FGF17: variants seen among roughly 807,000 people sequenced by gnomAD.
FGF17 encodes fibroblast growth factor 17.
FGF17 carries 5 observed loss-of-function variants against 23.5 expected under a neutral mutation model. That is an observed-to-expected ratio of 0.21 (90% CI 0.11 to 0.45). FGF17 has a LOEUF of 0.45. Ranked by LOEUF, FGF17 falls within the 20% of genes least tolerant of loss-of-function variation. The pLI is 0.99. For synonymous variants in FGF17, 136 were observed against 123.0 expected, an observed-to-expected ratio of 1.11 and a Z score of -0.70; for missense variants, 221 against 306.9, an observed-to-expected ratio of 0.72 and a Z score of 2.09.
intron 3 of FGF17, 24 bp downstream of exon 3, chr8:22,046,315 G>A (rs373308419): frequency 8.8e-5 from 142 of 1,606,870 alleles, no homozygotes; most frequent in Non-Finnish European, 1.1e-4. Flanking sequence ...CTCCCCCCAG[G>A]GCACCCACAC....
chr8:22,048,129 C>T lies in FGF17; in HGVS notation c.531C>T (p.Arg177=). The T allele has an allele frequency of 6.2e-7, 1 of 1,613,490 alleles. No homozygotes were observed. The highest frequency in any genetic ancestry group is 8.5e-7 in the Non-Finnish European group (1 of 1,179,876). The change falls in exon 5 of 5, where the codon CGC becomes CGT. Residue 177 remains arginine (R), a synonymous_variant. Transcript: ENST00000359441. This position sits in a 1 kb window ranked among gnomAD's most constrained non-coding sequence, Gnocchi z 6.9. ...AGCGCGAGGCCCACTTCATCAAGCGCCTCTACCAAGGCCAGCTGCCCTTCC... is the reference window on the plus strand; with the variant it reads ...AGCGCGAGGCCCACTTCATCAAGCGTCTCTACCAAGGCCAGCTGCCCTTCC... ...QNQREAHFIK[R]LYQGQLPFPN...
chr8:22,045,839 C>T, intron 2 of FGF17: 3 of 1,362,260 alleles, frequency 2.2e-6, no homozygotes, highest in South Asian at 1.5e-5. Flanking sequence ...CTCCTTCCAG[C>T]TCCCAGAGTC....
chr8:22,043,075 C>T (rs985462966), intron 1 of FGF17, 70 bp from the exon 2 acceptor site: 17 of 1,596,790 alleles, frequency 1.1e-5, no homozygotes, highest in Admixed American at 1.0e-4. Flanking sequence ...AGGGCGGGGG[C>T]GGGGGCCTGG....
intron 2 of FGF17, 137 bp from the exon 3 acceptor site, chr8:22,045,977 C>A (rs1214622073): frequency 6.4e-7 from 1 of 1,565,762 alleles, no homozygotes; most frequent in African/African-American, 1.4e-5. Context: ...AAGGCTATGG[C>A]CATATGCCCA....
chr8:22,048,233 C>T lies in FGF17; in HGVS notation c.635C>T (p.Pro212Leu), dbSNP rs750155586. The change falls in exon 5 of 5, where the codon CCC (proline) becomes CTC (leucine). Residue 212 changes from proline (P) to leucine (L), a missense_variant. By Grantham distance (98) the Pro-to-Leu change is moderately conservative. Transcript: ENST00000359441. This position sits in a 1 kb window ranked among gnomAD's most constrained non-coding sequence, Gnocchi z 6.9. The stretch of plus-strand genomic sequence containing the variant: ...CGCCGGACCAAGCGCACACGGCGGC[C>T]CCAGCCCCTCACGTAGTCTGGGAGG... The part of the protein sequence containing the change: ...PTRRTKRTRR[P>L]QPLT 2.5e-6 allele frequency: 4 copies of T among 1,606,884 alleles called. No individual in the cohort carries two copies. The highest frequency in any genetic ancestry group is 8.5e-7 in the Non-Finnish European group (1 of 1,177,116).
At position 22,048,536 on chromosome 8, in the gene FGF17, C is replaced by T. The variant is rs1801019555; in HGVS notation, c.*287C>T. ...GGCCTCCCAGCCGGGCTCCTGAAGC[C>T]CGCTGAAAGGTCAGCGACTGAAGGC... On this transcript the variant is annotated 3_prime_UTR_variant, in exon 5 of 5. Coordinates refer to ENST00000359441, the MANE Select transcript of FGF17 (RefSeq NM_003867.4). This position sits in a 1 kb window ranked among gnomAD's most constrained non-coding sequence, Gnocchi z 6.9. 9 of 474,284 alleles carry T rather than the reference C, an allele frequency of 1.9e-5. No individual in the cohort carries two copies. In the South Asian group the frequency reaches 2.9e-4, roughly 15 times the overall value. The allele number at this position is 474,284 out of a possible 1,614,324, so 29.4% of individuals were successfully genotyped here. A position where few individuals can be genotyped will look rare whatever the true frequency, so the allele number is the denominator to read the frequency against.
upstream of FGF17, among the ~76,000 whole-genome samples, chr8:22,039,706 C>T (rs1800710744): frequency 6.6e-6 from 1 of 152,114 alleles, no homozygotes; most frequent in South Asian, 2.1e-4. Context: ...CCAGCCTGAA[C>T]AACAAGAATG....
upstream of FGF17, among the ~76,000 whole-genome samples, chr8:22,041,361 A>G (rs1800734605): frequency 6.6e-6 from 1 of 152,108 alleles, no homozygotes; most frequent in Non-Finnish European, 1.5e-5. Flanking sequence ...CCCACAGGTG[A>G]GAGTTTCGCT....
At chr8:22,046,761 C>T (rs1280923141) in intron 4 of FGF17, 128 bp downstream of exon 4, 4 of 665,540 alleles carry the variant, frequency 6.0e-6, no homozygotes, top group Non-Finnish European at 1.0e-5. Context: ...ATCCTACTCT[C>T]AGCCCACCCA....
chr8:22,041,437 G>A (rs1800735916), upstream of FGF17, among the ~76,000 whole-genome samples: 7 of 152,228 alleles, frequency 4.6e-5, no homozygotes, highest in South Asian at 1.5e-3. Flanking sequence ...CCCACCCTGG[G>A]GGCGCTGAGA....
chr8:22,045,370 G>C (rs907311356), intron 2 of FGF17: 3 of 988,092 alleles, frequency 3.0e-6, no homozygotes, highest in Non-Finnish European at 3.6e-6. Context: ...CCTCCGCTAA[G>C]GAGGCACCTT....
At chr8:22,041,512 C>A (rs1377522664), upstream of FGF17, among the ~76,000 whole-genome samples, 1 of 152,168 alleles carries the variant, frequency 6.6e-6, no homozygotes, top group African/African-American at 2.4e-5. Context: ...CCCTCAGAGA[C>A]CCCCAAGCCC....
upstream of FGF17, among the ~76,000 whole-genome samples, chr8:22,040,042 C>G (rs567019388): frequency 6.6e-5 from 10 of 152,238 alleles, no homozygotes; most frequent in African/African-American, 1.7e-4. Flanking sequence ...CCCCACCCCC[C>G]CAGCAATGAA....
intron 4 of FGF17, among the ~76,000 whole-genome samples, chr8:22,046,967 T>TTTTTTTTG (rs1800890181): frequency 6.7e-6 from 1 of 150,208 alleles, no homozygotes; most frequent in Non-Finnish European, 1.5e-5. Context: ...TTTTTTTTTT[T>TTTTTTTTG]GTAGAGATAG....
upstream of FGF17, among the ~76,000 whole-genome samples, chr8:22,042,151 TCTC>T (rs1405237604): frequency 6.6e-6 from 1 of 152,234 alleles, no homozygotes; most frequent in African/African-American, 2.4e-5. Context: ...ACCCAGCTCT[TCTC>T]CAAGTGTCTG....
chr8:22,047,914 G>A (rs1488647491), intron 4 of FGF17, 42 bp from the exon 5 acceptor site: 2 of 1,574,990 alleles, frequency 1.3e-6, no homozygotes, highest in East Asian at 2.3e-5. Flanking sequence ...CCAGACCAGG[G>A]TAGGTGGACA....
In FGF17 at chr8:22,048,178, C is replaced by G; in HGVS notation, c.580C>G (p.Gln194Glu). Residue 194 changes from glutamine (Q) to glutamate (E), a missense_variant, in exon 5 of 5, where the codon CAG becomes GAG. Coordinates refer to ENST00000359441, the MANE Select transcript of FGF17 (RefSeq NM_003867.4). The surrounding 1 kb of genome is among the most constrained non-coding windows in gnomAD (Gnocchi z 6.9). ...PFPNHAEKQK[Q>E]FEFVGSAPTR... ...CCCCAACCACGCCGAGAAGCAGAAG[C>G]AGTTCGAGTTTGTGGGCTCCGCCCC... 6.2e-7 allele frequency: 1 copy of G among 1,613,012 alleles called. No individual in the cohort carries two copies. The highest frequency in any genetic ancestry group is 8.5e-7 in the Non-Finnish European group (1 of 1,179,790).
upstream of FGF17, among the ~76,000 whole-genome samples, chr8:22,040,154 A>C (rs760362028): frequency 1.3e-5 from 2 of 151,694 alleles, no homozygotes; most frequent in Non-Finnish European, 2.9e-5. Context: ...AAGCCACAAA[A>C]AGGGCCCCTG....
Position 22,046,557 on chromosome 8 carries a change from G to A in FGF17, c.281G>A (p.Gly94Asp), listed in dbSNP as rs1420106763. Residue 94 changes from glycine (G) to aspartate (D), a missense_variant, in exon 4 of 5, where the codon GGC (glycine) becomes GAC (aspartate). This residue lies in a region of FGF17 where 58 missense variants were observed against 121.0 expected (regional missense o/e 0.48). Transcript: ENST00000359441. ...AKLIVETDTF[G>D]SRVRIKGAES... Reference sequence around the variant, plus strand: ...CTCATAGTGGAGACGGACACGTTTGGCAGCCGGGTTCGCATCAAAGGGGCT... The same window carrying A: ...CTCATAGTGGAGACGGACACGTTTGACAGCCGGGTTCGCATCAAAGGGGCT... 2 of 1,613,718 alleles carry A rather than the reference G, an allele frequency of 1.2e-6. No individual in the cohort carries two copies. The highest frequency in any genetic ancestry group is 1.7e-6 in the Non-Finnish European group (2 of 1,179,912).
Sources: gnomAD v4.1 joint callset for allele counts (sites outside exome capture counted in the v4.1 genomes callset) on GRCh38, gnomAD v4.1.1 for gene constraint, gnomAD v4.1.1 regional missense constraint, Gnocchi (gnomAD v3.1) non-coding constraint, MANE v1.5 for transcripts, NCBI Gene and HGNC (gene_info 2026-07-23, HGNC 2026-07-21) for gene names.